Variants in KNTC1 observed in about 807,000 individuals in gnomAD.
KNTC1 encodes the protein kinetochore associated 1.
A neutral mutation model predicts 314.4 loss-of-function variants in KNTC1; 253 were observed. The ratio of observed to expected loss-of-function variants is 0.80; its 90% CI spans 0.73 to 0.89. The LOEUF (loss-of-function observed/expected upper bound fraction) is 0.89, where lower values mean the gene tolerates loss of function less well. KNTC1 is among the 40% of genes least tolerant of loss of function. KNTC1 has a pLI of 0.00. For synonymous variants in KNTC1, 901 were observed against 901.4 expected, an observed-to-expected ratio of 1.00 and a Z score of 0.01; for missense variants, 2,475 against 2,572.9, an observed-to-expected ratio of 0.96 and a Z score of 0.82.
intron 20 of KNTC1, among the ~76,000 whole-genome samples, chr12:122,567,196 G>A (rs372399797): frequency 2.0e-5 from 3 of 151,554 alleles, no homozygotes; most frequent in Admixed American, 2.0e-4. Flanking sequence ...TCAGCCTCCC[G>A]AGTAGCTGGG....
intron 31 of KNTC1, among the ~76,000 whole-genome samples, 159 bp from the exon 32 acceptor site, chr12:122,579,745 TC>T (rs1965277099): frequency 6.6e-6 from 1 of 152,230 alleles, no homozygotes; most frequent in African/African-American, 2.4e-5. Flanking sequence ...GTTTTTCAGG[TC>T]TACCCTGTAT....
Position 122,587,861 on chromosome 12 carries a change from C to T in KNTC1, c.3881C>T (p.Thr1294Ile). Reference protein sequence around the residue: ...QHSVSNFMNATLSEKLFGETT... With the variant: ...QHSVSNFMNAILSEKLFGETT... ...TCTGTGTCAAACTTCATGAATGCCA[C>T]TTTGAGTGAAAAGGTATAGTGTCAA... The change falls in exon 39 of 64, where the codon ACT becomes ATT. Residue 1294 changes from threonine to isoleucine, a missense_variant. Coordinates refer to ENST00000333479, the MANE Select transcript of KNTC1 (RefSeq NM_014708.6). The T allele has an allele frequency of 6.2e-7, 1 of 1,613,328 alleles. No individual in the cohort carries two copies. Among genetic ancestry groups the T allele is most frequent in the Non-Finnish European group, 8.5e-7 (1 of 1,179,616 alleles).
intron 30 of KNTC1, 38 bp downstream of exon 30, chr12:122,577,067 T>TG: frequency 6.9e-7 from 1 of 1,446,836 alleles, no homozygotes; most frequent in African/African-American, 1.5e-5. Context: ...TATGGCTTCT[T>TG]TGTTTCTGTG....
intron 43 of KNTC1, chr12:122,597,108 T>A (rs752068509): frequency 6.6e-6 from 1 of 152,534 alleles, no homozygotes; most frequent in African/African-American, 2.4e-5. Context: ...CTTACTAACA[T>A]GTATATTTTT....
intron 32 of KNTC1, among the ~76,000 whole-genome samples, chr12:122,580,393 C>T: frequency 6.6e-6 from 1 of 152,258 alleles, no homozygotes; most frequent in Non-Finnish European, 1.5e-5. Context: ...TTTTGTAACA[C>T]ATAAACTTCT....
chr12:122,558,643 C>A (rs1963763615), intron 18 of KNTC1, among the ~76,000 whole-genome samples: 1 of 151,932 alleles, frequency 6.6e-6, no homozygotes, highest in Non-Finnish European at 1.5e-5. Flanking sequence ...CTTAGGGAGG[C>A]AGAGGTGAGT....
rs760145006 is a variant in KNTC1 at position 122,542,131 on chromosome 12, A to G, written c.523+4A>G. 2 of 1,443,456 alleles carry G rather than the reference A, an allele frequency of 1.4e-6. No individual in the cohort carries two copies. The highest frequency in any genetic ancestry group is 2.4e-5 in the East Asian group (1 of 41,444). The allele number at this position is 1,443,456 out of a possible 1,614,324, so 89.4% of individuals were successfully genotyped here. A position where few individuals can be genotyped will look rare whatever the true frequency, so the allele number is the denominator to read the frequency against. On this transcript the variant is annotated splice_donor_region_variant and intron_variant, in intron 6 of 63. Transcript: ENST00000333479. The stretch of plus-strand genomic sequence containing the variant: ...CAGCTTTTAAAAATTCAACAAGGTA[A>G]GTAATACATTATATTTTTATTATTG...
intron 59 of KNTC1, 158 bp from the exon 60 acceptor site, chr12:122,620,321 C>T: frequency 3.4e-6 from 2 of 580,304 alleles, no homozygotes; most frequent in Admixed American, 3.1e-5. Context: ...CTGTCAAAGA[C>T]TTGTGTTACT....
At chr12:122,601,933 A>G (rs1284159515) in intron 45 of KNTC1, 2 of 189,348 alleles carry the variant, frequency 1.1e-5, no homozygotes, top group South Asian at 1.1e-4. Context: ...AACATTTGCC[A>G]TGTAGGAAGT....
chr12:122,567,893 G>A (rs1035548159), intron 20 of KNTC1, among the ~76,000 whole-genome samples: 14 of 152,250 alleles, frequency 9.2e-5, no homozygotes, highest in South Asian at 4.1e-4. Context: ...TCAGGATGCT[G>A]AGGTGGCAGG....
intron 16 of KNTC1, among the ~76,000 whole-genome samples, chr12:122,554,815 T>A (rs1963467358): frequency 6.6e-6 from 1 of 152,188 alleles, no homozygotes; most frequent in East Asian, 1.9e-4. Context: ...AACCTGAAAT[T>A]TGAGTATTTG....
rs779433234 is a variant in KNTC1 at position 122,605,032 on chromosome 12, C to T, written c.5331C>T (p.Tyr1777=). The change falls in exon 50 of 64, where the codon TAC becomes TAT. Residue 1777 remains tyrosine (Y), a synonymous_variant. Coordinates refer to ENST00000333479, the MANE Select transcript of KNTC1 (RefSeq NM_014708.6). ...CAGCACATCTTATTGTCAGTCTCTA[C>T]GAACATCCTAGCATCAATCAAAGAA... ...GKPAHLIVSL[Y]EHPSINQRIQ... is the part of the protein sequence containing the mutation. 5.0e-6 allele frequency: 8 copies of T among 1,613,164 alleles called. No homozygotes were observed. The highest frequency in any genetic ancestry group is 1.7e-5 in the Admixed American group (1 of 59,914).
chr12:122,554,606 A>T (rs1045383052), intron 16 of KNTC1, among the ~76,000 whole-genome samples: 2 of 152,180 alleles, frequency 1.3e-5, no homozygotes, highest in African/African-American at 4.8e-5. Flanking sequence ...AATTTACATT[A>T]TTACTTTTTT....
intron 20 of KNTC1, among the ~76,000 whole-genome samples, chr12:122,566,230 T>C (rs1189020242): frequency 6.6e-6 from 1 of 151,572 alleles, no homozygotes; most frequent in African/African-American, 2.4e-5. Flanking sequence ...CGTGAGCCAC[T>C]GCGCCCGGCC....
At chr12:122,549,516 C>T (rs1204332279) in intron 12 of KNTC1, among the ~76,000 whole-genome samples, 2 of 151,944 alleles carry the variant, frequency 1.3e-5, no homozygotes, top group Non-Finnish European at 2.9e-5. Context: ...TACAGATGCA[C>T]ACCGCCACAC....
At chr12:122,597,604 T>C (rs1871234944) in intron 43 of KNTC1, 127 bp from the exon 44 acceptor site, 10 of 766,380 alleles carry the variant, frequency 1.3e-5, no homozygotes, top group Non-Finnish European at 2.0e-5. Context: ...TTTGTCTGAT[T>C]TTGAGACTGG....
chr12:122,530,904 AT>A (rs1271905073), intron 2 of KNTC1, among the ~76,000 whole-genome samples: 1 of 152,118 alleles, frequency 6.6e-6, no homozygotes, highest in African/African-American at 2.4e-5. Context: ...TTCTTTCTAC[AT>A]TTTAACTTTC....
chr12:122,588,586 T>A, intron 39 of KNTC1, 126 bp from the exon 40 acceptor site: 2 of 694,894 alleles, frequency 2.9e-6, no homozygotes, highest in Non-Finnish European at 4.4e-6. Flanking sequence ...TCTAGCACTA[T>A]AGGTTAAATT....
rs146143914 is a variant in KNTC1 at position 122,527,595 on chromosome 12, T to C, written c.-74+244T>C. ...GTTCTGCATTCCGCCGCCAGAGTGA[T>C]CTCAAAATTATAAAATCAGACCACT... On this transcript the variant is annotated intron_variant, in intron 1 of 63. Transcript: ENST00000333479. The C allele has an allele frequency of 2.6e-5, 4 of 152,366 alleles. No homozygotes were observed. In the East Asian group the frequency reaches 7.7e-4, roughly 29 times the overall value. 9.4% of individuals were successfully genotyped at this position (152,366 alleles called of 1,614,324 possible). A position where few individuals can be genotyped will look rare whatever the true frequency, so the allele number is the denominator to read the frequency against.
Sources: gnomAD v4.1 joint callset for allele counts (sites outside exome capture counted in the v4.1 genomes callset) on GRCh38, gnomAD v4.1.1 for gene constraint, MANE v1.5 for transcripts, NCBI Gene and HGNC (gene_info 2026-07-23, HGNC 2026-07-21) for gene names.